Variants in SYT9 observed in about 807,000 individuals in gnomAD.
The protein encoded by SYT9 is synaptotagmin-9.
Under a neutral mutation model 48.4 loss-of-function variants are expected in SYT9, and 22 were observed. The observed-to-expected ratio is 0.45, with a 90% CI of 0.32 to 0.65. The LOEUF (loss-of-function observed/expected upper bound fraction) is 0.65, where lower values mean the gene tolerates loss of function less well. Among genes scored for constraint, SYT9 ranks in the 30% least tolerant of loss-of-function variants. The pLI is 0.03. For synonymous variants in SYT9, 265 were observed against 245.0 expected, an observed-to-expected ratio of 1.08 and a Z score of -0.76; for missense variants, 577 against 622.0, an observed-to-expected ratio of 0.93 and a Z score of 0.77.
intron 6 of SYT9, among the ~76,000 whole-genome samples, chr11:7,428,899 G>T (rs1847515318): frequency 6.6e-6 from 1 of 152,152 alleles, no homozygotes; most frequent in Non-Finnish European, 1.5e-5. Flanking sequence ...GTAAACTGTT[G>T]ATGCTTTCTA....
At chr11:7,352,518 T>C (rs979992046) in intron 3 of SYT9, among the ~76,000 whole-genome samples, 2 of 152,210 alleles carry the variant, frequency 1.3e-5, no homozygotes, top group African/African-American at 4.8e-5. Context: ...TTCAGAAATA[T>C]ATGATGCTTC....
At chr11:7,270,781 G>C (rs1343742327) in intron 1 of SYT9, among the ~76,000 whole-genome samples, 1 of 151,546 alleles carries the variant, frequency 6.6e-6, no homozygotes, top group East Asian at 1.9e-4. Flanking sequence ...CTTGTGAAAA[G>C]CTGCTTCCAT....
At chr11:7,446,898 G>A (rs1847943731) in intron 6 of SYT9, among the ~76,000 whole-genome samples, 2 of 152,230 alleles carry the variant, frequency 1.3e-5, no homozygotes, top group African/African-American at 4.8e-5. Context: ...ACTGGGCAGT[G>A]AGGACCCAAT....
At chr11:7,345,273 G>A (rs1268829158) in intron 3 of SYT9, among the ~76,000 whole-genome samples, 1 of 152,196 alleles carries the variant, frequency 6.6e-6, no homozygotes, top group Non-Finnish European at 1.5e-5. Context: ...TGTCTGTACT[G>A]TGTCTCTGAA....
At chr11:7,363,145 AT>A (rs1312797873) in intron 3 of SYT9, among the ~76,000 whole-genome samples, 1 of 151,134 alleles carries the variant, frequency 6.6e-6, no homozygotes, top group Non-Finnish European at 1.5e-5. Context: ...AGATACTATC[AT>A]TTCTCTGCTA....
At chr11:7,284,566 TC>T (rs1215839133) in intron 1 of SYT9, among the ~76,000 whole-genome samples, 1 of 152,118 alleles carries the variant, frequency 6.6e-6, no homozygotes, top group Non-Finnish European at 1.5e-5. Context: ...CATTCTAGAT[TC>T]CTTAAGAGAA....
chr11:7,422,049 T>C (rs1315134901), intron 6 of SYT9, among the ~76,000 whole-genome samples: 1 of 152,186 alleles, frequency 6.6e-6, no homozygotes, highest in Non-Finnish European at 1.5e-5. Context: ...AGAGCTTTCC[T>C]CTGTTCTCCT....
chr11:7,252,038 T>G lies in SYT9; in HGVS notation c.-149T>G, dbSNP rs2119751217. 1.1e-6 allele frequency: 1 copy of G among 943,716 alleles called. No individual in the cohort carries two copies. The allele number at this position is 943,716 out of a possible 1,614,324, so 58.5% of individuals were successfully genotyped here. ...CCGGTGGGAGGCCGGGCCGGCTGGG[T>G]CTGGGGCTCGGGCTCAGGCTCGCAC... On this transcript the variant is annotated 5_prime_UTR_variant, in exon 1 of 7. Transcript: ENST00000318881. The surrounding 1 kb of genome is among the most constrained non-coding windows in gnomAD (Gnocchi z 6.3).
chr11:7,432,079 G>T (rs962092198), intron 6 of SYT9, among the ~76,000 whole-genome samples: 2 of 152,186 alleles, frequency 1.3e-5, no homozygotes, highest in African/African-American at 4.8e-5. Context: ...CTGACAGCTT[G>T]CACCCTGTGC....
At position 7,445,799 on chromosome 11, in the gene SYT9, A is replaced by G. The variant is rs1236794420; in HGVS notation, c.1468-20993A>G. On this transcript the variant is annotated intron_variant, in intron 6 of 6. Coordinates refer to ENST00000318881, the MANE Select transcript of SYT9 (RefSeq NM_175733.4). ...GAGTCTTGGGCTGAATCCTCTTCAG[A>G]CTGTTCCTAACACTGGAATCCCAGA... 2.0e-5 allele frequency among the ~76,000 whole-genome samples: 3 copies of G among 152,244 alleles called. No homozygotes were observed. The East Asian group carries it at 5.8e-4, about 29-fold the overall frequency.
At chr11:7,398,579 T>C (rs1846807545) in intron 3 of SYT9, among the ~76,000 whole-genome samples, 1 of 152,004 alleles carries the variant, frequency 6.6e-6, no homozygotes, top group Admixed American at 6.6e-5. Context: ...CCAGCTAATT[T>C]TTTTGTATTT....
intron 6 of SYT9, among the ~76,000 whole-genome samples, chr11:7,448,550 A>G (rs1847982134): frequency 6.6e-6 from 1 of 152,190 alleles, no homozygotes; most frequent in South Asian, 2.1e-4. Flanking sequence ...TGCTTTATTG[A>G]TTGCAATTTC....
chr11:7,343,747 C>T (rs1173632891), intron 3 of SYT9, among the ~76,000 whole-genome samples: 1 of 152,226 alleles, frequency 6.6e-6, no homozygotes, highest in South Asian at 2.1e-4. Context: ...AGTTCGTTTT[C>T]ACACTGTTGA....
chr11:7,259,337 G>T (rs192776132), intron 1 of SYT9, among the ~76,000 whole-genome samples: 77 of 151,942 alleles, frequency 5.1e-4, no homozygotes, highest in African/African-American at 1.7e-3. Flanking sequence ...TCCAAGAATG[G>T]GTATACCTTT....
chr11:7,395,607 C>T (rs72846031), intron 3 of SYT9, among the ~76,000 whole-genome samples: 7,961 of 151,734 alleles, frequency 0.052, 481 homozygotes, highest in African/African-American at 0.15. Flanking sequence ...TTTCTTTGTC[C>T]GTTTTTATTA....
chr11:7,361,188 T>C (rs1383369094), intron 3 of SYT9, among the ~76,000 whole-genome samples: 1 of 149,168 alleles, frequency 6.7e-6, no homozygotes, highest in African/African-American at 2.6e-5. Flanking sequence ...TTTTGACTTT[T>C]GCTTTTTGTT....
intron 6 of SYT9, among the ~76,000 whole-genome samples, chr11:7,448,596 T>C (rs1239734976): frequency 6.6e-6 from 1 of 152,228 alleles, no homozygotes; most frequent in African/African-American, 2.4e-5. Flanking sequence ...ACGCTGAAAA[T>C]GGCAACTGTG....
chr11:7,445,465 C>G (rs956086222), intron 6 of SYT9, among the ~76,000 whole-genome samples: 3 of 152,084 alleles, frequency 2.0e-5, no homozygotes, highest in African/African-American at 7.2e-5. Context: ...CTGCAGTCCC[C>G]CTCTGTACCC....
intron 3 of SYT9, among the ~76,000 whole-genome samples, chr11:7,373,412 C>G (rs1023934167): frequency 6.6e-6 from 1 of 152,134 alleles, no homozygotes; most frequent in South Asian, 2.1e-4. Context: ...CCTCACCTCT[C>G]CTCTTCCTAT....
Sources: allele counts gnomAD v4.1 joint callset (sites outside exome capture counted in the v4.1 genomes callset), GRCh38; gene constraint gnomAD v4.1.1; non-coding constraint Gnocchi (gnomAD v3.1); transcripts MANE v1.5; gene names NCBI Gene and HGNC (gene_info 2026-07-23, HGNC 2026-07-21).